The following SPPL2A variants were observed in gnomAD, a reference collection of about 807,000 sequenced individuals.
The protein encoded by SPPL2A is signal peptide peptidase-like 2A.
A neutral mutation model predicts 63.8 loss-of-function variants in SPPL2A; 51 were observed. The ratio of observed to expected loss-of-function variants is 0.80; its 90% CI spans 0.64 to 1.01. The LOEUF is 1.01. Ranked by LOEUF, SPPL2A falls within the 50% of genes least tolerant of loss-of-function variation. The probability of loss-of-function intolerance (pLI) is 0.00; values close to 1 mark genes in which losing one functional copy is unlikely to be tolerated. For missense variants in SPPL2A, 553 were observed against 622.7 expected (o/e 0.89, Z 1.19); for synonymous variants, 188 against 205.8 (o/e 0.91, Z 0.74).
At chr15:50,758,450 A>G (rs527334040) in intron 1 of SPPL2A, among the ~76,000 whole-genome samples, 1 of 151,340 alleles carries the variant, frequency 6.6e-6, no homozygotes, top group African/African-American at 2.4e-5. Context: ...CTCCTGCCTC[A>G]GCCTCCCGAG....
intron 8 of SPPL2A, among the ~76,000 whole-genome samples, chr15:50,735,133 G>C (rs1402968982): frequency 6.6e-6 from 1 of 151,618 alleles, no homozygotes; most frequent in Non-Finnish European, 1.5e-5. Flanking sequence ...TCGAACTCCT[G>C]ACCACAGGTG....
chr15:50,724,336 G>T (rs1455278404), intron 12 of SPPL2A, among the ~76,000 whole-genome samples: 1 of 152,116 alleles, frequency 6.6e-6, no homozygotes, highest in Non-Finnish European at 1.5e-5. Flanking sequence ...CAGCACTTTG[G>T]GAGGCCGAAG....
chr15:50,723,457 C>G (rs2062663149), intron 12 of SPPL2A, among the ~76,000 whole-genome samples: 1 of 152,028 alleles, frequency 6.6e-6, no homozygotes, highest in Non-Finnish European at 1.5e-5. Flanking sequence ...CATACACAGA[C>G]TGGAATACTA....
At chr15:50,765,319 A>C (rs1014505106) in intron 1 of SPPL2A, 149 bp downstream of exon 1, 3 of 528,126 alleles carry the variant, frequency 5.7e-6, no homozygotes, top group South Asian at 2.5e-5. Flanking sequence ...AGTAATGGAA[A>C]GAGGAGGGGA....
rs1596393211 is a variant in SPPL2A, at chr15:50,746,378, C to T, written c.584+1117G>A. On this transcript the variant is annotated intron_variant, in intron 5 of 14. Coordinates refer to ENST00000261854, the MANE Select transcript of SPPL2A (RefSeq NM_032802.4). Reference sequence around the variant, plus strand: ...ACTTGAACTGGAGAGGCGGAGTTTTCAGTGAGCCAAGATCGCACCACTGTA... The same window carrying T: ...ACTTGAACTGGAGAGGCGGAGTTTTTAGTGAGCCAAGATCGCACCACTGTA... Among the ~76,000 whole-genome samples, 3 of 136,066 alleles carry T rather than the reference C, an allele frequency of 2.2e-5. No individual in the cohort carries two copies. In the South Asian group the frequency reaches 7.3e-4, roughly 33 times the overall value. The allele number at this position is 136,066 out of a possible 152,430, so 89.3% of individuals were successfully genotyped here. A position where few individuals can be genotyped will look rare whatever the true frequency, so the allele number is the denominator to read the frequency against.
At position 50,703,606 on chromosome 15, in the gene SPPL2A, C is replaced by G. The variant is rs1419536613; in HGVS notation, c.*4194G>C. 6.6e-6 allele frequency: 1 copy of G among 151,434 alleles called. No homozygotes were observed. The highest frequency in any genetic ancestry group is 1.5e-5 in the Non-Finnish European group (1 of 67,928). The allele number at this position is 151,434 out of a possible 1,614,324, so 9.4% of individuals were successfully genotyped here. A position where few individuals can be genotyped will look rare whatever the true frequency, so the allele number is the denominator to read the frequency against. On this transcript the variant is annotated 3_prime_UTR_variant, in exon 15 of 15. Transcript: ENST00000261854. ...TCAAACTCCTGACCTCATGATCCAC[C>G]CGCCTTGGCCTCCCAAAGTGCTGGG... is the stretch of plus-strand genomic sequence containing the variant.
chr15:50,731,179 T>C (rs2062727824), intron 9 of SPPL2A, 140 bp from the exon 10 acceptor site: 3 of 478,158 alleles, frequency 6.3e-6, no homozygotes, highest in Non-Finnish European at 1.1e-5. Context: ...GTTAATACTA[T>C]GTATAGTTTT....
At position 50,755,654 on chromosome 15, in the gene SPPL2A, A is replaced by AAAG. The variant is rs1309928420; in HGVS notation, c.67-5911_67-5909dup. Among the ~76,000 whole-genome samples the AAAG allele has an allele frequency of 4.6e-4, 65 of 139,870 alleles. 5 individuals are homozygous for AAAG. Among genetic ancestry groups the AAAG allele is most frequent in the Non-Finnish European group, 4.7e-4 (31 of 65,308 alleles). 91.8% of individuals were successfully genotyped at this position (139,870 alleles called of 152,430 possible). On this transcript the variant is annotated intron_variant, in intron 1 of 14. Transcript: ENST00000261854. ...AAAAAAAAAAAAAAAAAAAAAAAAA[A>AAAG]AAGAAGAAAAGAAAAAAGCAAATTC...
chr15:50,747,486 T>TA lies in SPPL2A; in HGVS notation c.584+8dup, dbSNP rs780909128. 4 of 1,592,930 alleles carry TA rather than the reference T, an allele frequency of 2.5e-6. No homozygotes were observed. The highest frequency in any genetic ancestry group is 3.4e-6 in the Non-Finnish European group (4 of 1,174,296). Reference sequence around the variant, plus strand: ...TTATTACAAAAACGCTTAAGTTAATTAAACTTACAATTCAACTAGTCCACT... The same window carrying TA: ...TTATTACAAAAACGCTTAAGTTAATTAAAACTTACAATTCAACTAGTCCACT... On this transcript the variant is annotated intron_variant, in intron 5 of 14. Transcript: ENST00000261854.
At chr15:50,759,529 G>A (rs2141063440) in intron 1 of SPPL2A, among the ~76,000 whole-genome samples, 2 of 152,220 alleles carry the variant, frequency 1.3e-5, no homozygotes, top group East Asian at 3.9e-4. Flanking sequence ...GGATCACAAG[G>A]TCAGGAGAAC....
chr15:50,719,500 C>A (rs2062627357), intron 14 of SPPL2A, among the ~76,000 whole-genome samples: 1 of 152,228 alleles, frequency 6.6e-6, no homozygotes, highest in South Asian at 2.1e-4. Context: ...CTGCCTCGGC[C>A]TCCCAAAGTG....
At chr15:50,708,152 T>C (rs1350268864) in intron 14 of SPPL2A, among the ~76,000 whole-genome samples, 1 of 152,168 alleles carries the variant, frequency 6.6e-6, no homozygotes, top group East Asian at 1.9e-4. Flanking sequence ...CTGCCCTTCA[T>C]GGCAGTGAGA....
intron 1 of SPPL2A, among the ~76,000 whole-genome samples, chr15:50,763,448 A>G (rs1159576196): frequency 6.6e-6 from 1 of 152,224 alleles, no homozygotes; most frequent in Non-Finnish European, 1.5e-5. Context: ...CAGTTTATTC[A>G]GTCATCAGGA....
intron 14 of SPPL2A, among the ~76,000 whole-genome samples, chr15:50,718,734 G>T (rs2062619773): frequency 6.6e-6 from 1 of 152,122 alleles, no homozygotes; most frequent in Non-Finnish European, 1.5e-5. Flanking sequence ...ATAGTAGTCT[G>T]TAACTTAATG....
intron 1 of SPPL2A, among the ~76,000 whole-genome samples, chr15:50,760,174 T>C (rs1009990031): frequency 1.3e-5 from 2 of 152,208 alleles, no homozygotes; most frequent in Non-Finnish European, 2.9e-5. Flanking sequence ...CAGTATCTAG[T>C]GAAGGCTCTC....
chr15:50,765,394 G>C (rs1287219204), intron 1 of SPPL2A, 74 bp downstream of exon 1: 11 of 1,229,350 alleles, frequency 8.9e-6, no homozygotes, highest in Middle Eastern at 2.8e-4. Flanking sequence ...CGAGGAGTAG[G>C]GGAAGGGAGC....
chr15:50,745,788 C>T (rs1310541224), intron 5 of SPPL2A, among the ~76,000 whole-genome samples: 1 of 151,994 alleles, frequency 6.6e-6, no homozygotes, highest in Non-Finnish European at 1.5e-5. Flanking sequence ...CGGTAGCTCA[C>T]GCCTGTAATC....
chr15:50,724,441 G>A (rs971119011), intron 12 of SPPL2A, among the ~76,000 whole-genome samples: 17 of 152,108 alleles, frequency 1.1e-4, no homozygotes, highest in Admixed American at 9.8e-4. Flanking sequence ...AGCCAGGTGC[G>A]GTGGCAGGCG....
At chr15:50,718,459 T>C (rs778796127) in intron 14 of SPPL2A, among the ~76,000 whole-genome samples, 15 of 152,284 alleles carry the variant, frequency 9.9e-5, no homozygotes, top group Middle Eastern at 3.4e-3. Flanking sequence ...TAGATGTTAT[T>C]AGCATAGTGT....
Sources: gnomAD v4.1 joint callset for allele counts (sites outside exome capture counted in the v4.1 genomes callset) on GRCh38, gnomAD v4.1.1 for gene constraint, MANE v1.5 for transcripts, NCBI Gene and HGNC (gene_info 2026-07-23, HGNC 2026-07-21) for gene names.